The following RYR2 variants were observed in gnomAD, a reference collection of about 807,000 sequenced individuals.
RYR2 encodes cardiac muscle ryanodine receptor-calcium release channel.
In RYR2, 227 loss-of-function variants were observed where a neutral mutation model predicts 601.1. The ratio of observed to expected loss-of-function variants is 0.38; its 90% CI spans 0.34 to 0.42. The LOEUF is 0.42. Among genes scored for constraint, RYR2 ranks in the 10% least tolerant of loss-of-function variants. The pLI is 1.00. For missense variants in RYR2, 4,646 were observed against 6,156.5 expected, an observed-to-expected ratio of 0.75 and a Z score of 8.21; for synonymous variants, 2,223 against 2,175.1, an observed-to-expected ratio of 1.02 and a Z score of -0.61.
chr1:237,543,246 G>A (rs1407863016), intron 25 of RYR2, among the ~76,000 whole-genome samples: 5 of 152,118 alleles, frequency 3.3e-5, no homozygotes, highest in Non-Finnish European at 4.4e-5. Flanking sequence ...GCTGAGGGGT[G>A]TAGGAAGCCC....
At chr1:237,050,063 C>A (rs1267382362) in intron 1 of RYR2, among the ~76,000 whole-genome samples, 2 of 151,958 alleles carry the variant, frequency 1.3e-5, no homozygotes, top group Non-Finnish European at 2.9e-5. Context: ...CAAGGCATTC[C>A]CTGTTAGTGA....
Position 237,643,320 on chromosome 1 carries a change from T to C in RYR2, c.7222-7T>C. Reference sequence around the variant, plus strand: ...GTTGTTCTAATGTTTTTTTTTCCCCTGTATAGTTGATTCATGCCGGGAAGG... The same window carrying C: ...GTTGTTCTAATGTTTTTTTTTCCCCCGTATAGTTGATTCATGCCGGGAAGG... On this transcript the variant is annotated splice_polypyrimidine_tract_variant and splice_region_variant and intron_variant, in intron 47 of 104. Transcript: ENST00000366574. 1.2e-6 allele frequency: 2 copies of C among 1,612,834 alleles called. No homozygotes were observed. Among genetic ancestry groups the C allele is most frequent in the Non-Finnish European group, 1.7e-6 (2 of 1,179,272 alleles).
intron 1 of RYR2, among the ~76,000 whole-genome samples, chr1:237,260,485 G>A (rs1455533086): frequency 2.0e-5 from 3 of 152,166 alleles, no homozygotes; most frequent in African/African-American, 7.2e-5. Flanking sequence ...TATTCCACTG[G>A]GACAGTTATA....
intron 48 of RYR2, among the ~76,000 whole-genome samples, chr1:237,647,427 G>GTTATATT (rs1573324938): frequency 6.6e-6 from 1 of 152,320 alleles, no homozygotes; most frequent in East Asian, 1.9e-4. Flanking sequence ...TGTAAGGAAA[G>GTTATATT]GAATGTATTA....
chr1:237,364,120 A>G (rs1020588084), intron 4 of RYR2, among the ~76,000 whole-genome samples: 2 of 152,152 alleles, frequency 1.3e-5, no homozygotes, highest in African/African-American at 2.4e-5. Flanking sequence ...TTTCACAGAA[A>G]AAGGAAGAAA....
At chr1:237,299,079 C>CAATG (rs1177497819) in intron 2 of RYR2, among the ~76,000 whole-genome samples, 4 of 149,780 alleles carry the variant, frequency 2.7e-5, no homozygotes, top group African/African-American at 9.8e-5. Context: ...TAAATGTGCT[C>CAATG]AATGTTATTT....
chr1:237,724,590 A>C (rs937691204), intron 74 of RYR2, among the ~76,000 whole-genome samples: 2 of 151,968 alleles, frequency 1.3e-5, no homozygotes, highest in Non-Finnish European at 2.9e-5. Context: ...CTTTCCCCTG[A>C]ATAACTTACG....
chr1:237,740,098 C>A (rs1027331952), intron 79 of RYR2, among the ~76,000 whole-genome samples: 3 of 152,200 alleles, frequency 2.0e-5, no homozygotes, highest in Non-Finnish European at 4.4e-5. Context: ...TGCTACAGGA[C>A]TGTCTAATAT....
chr1:237,215,218 T>C (rs1405100099), intron 1 of RYR2, among the ~76,000 whole-genome samples: 2 of 152,184 alleles, frequency 1.3e-5, no homozygotes, highest in African/African-American at 2.4e-5. Flanking sequence ...ATATGTAGCA[T>C]TGGCAGGATC....
intron 1 of RYR2, among the ~76,000 whole-genome samples, chr1:237,231,631 G>C (rs758799878): frequency 6.6e-6 from 1 of 152,190 alleles, no homozygotes; most frequent in African/African-American, 2.4e-5. Flanking sequence ...CTGTAAAACA[G>C]AACAGGATTA....
chr1:237,619,906 G>T (rs1398317454), intron 38 of RYR2, among the ~76,000 whole-genome samples: 1 of 152,120 alleles, frequency 6.6e-6, no homozygotes, highest in Non-Finnish European at 1.5e-5. Context: ...CAAATGACAG[G>T]AAGTTGTAAG....
At chr1:237,143,778 A>G (rs1330860659) in intron 1 of RYR2, among the ~76,000 whole-genome samples, 1 of 152,174 alleles carries the variant, frequency 6.6e-6, no homozygotes, top group Non-Finnish European at 1.5e-5. Flanking sequence ...CTGTCTGACC[A>G]GTGTTGGGGA....
intron 3 of RYR2, among the ~76,000 whole-genome samples, chr1:237,355,647 A>T (rs934348972): frequency 6.6e-6 from 1 of 152,158 alleles, no homozygotes; most frequent in East Asian, 1.9e-4. Context: ...TTAAATCAGA[A>T]GGCCTATTAC....
chr1:237,677,098 C>A (rs1002732299), intron 60 of RYR2, among the ~76,000 whole-genome samples: 7 of 152,020 alleles, frequency 4.6e-5, no homozygotes, highest in African/African-American at 1.7e-4. Flanking sequence ...CATAAGTTTC[C>A]TATAAATTAT....
chr1:237,758,490 A>G (rs935574764), intron 82 of RYR2, among the ~76,000 whole-genome samples: 41 of 152,120 alleles, frequency 2.7e-4, no homozygotes, highest in African/African-American at 9.7e-4. Context: ...GTGCGTATAT[A>G]TGTGTGTCTG....
chr1:237,496,827 G>T, intron 20 of RYR2, 75 bp downstream of exon 20: 1 of 1,514,352 alleles, frequency 6.6e-7, no homozygotes. Context: ...TATTGGTGCT[G>T]CTTCCATTAG....
chr1:237,566,507 C>T (rs1002235802), intron 27 of RYR2, 60 bp from the exon 28 acceptor site: 1 of 1,497,144 alleles, frequency 6.7e-7, no homozygotes, highest in African/African-American at 1.4e-5. Context: ...TTTATGATAT[C>T]TTTCCTTCTC....
Position 237,627,842 on chromosome 1 carries a change from C to A in RYR2, c.6202C>A (p.Arg2068=). 6.2e-7 allele frequency: 1 copy of A among 1,610,904 alleles called. No individual in the cohort carries two copies. The highest frequency in any genetic ancestry group is 8.5e-7 in the Non-Finnish European group (1 of 1,177,838). The change falls in exon 41 of 105, where the codon CGA becomes AGA. Residue 2068 remains arginine (R), a synonymous_variant. Transcript: ENST00000366574. ...GCAGCTGATTTCTGAGACCATGGTC[C>A]GATGGGCTCAGGAGTCTGTCATTGA... The part of the protein sequence containing the change: ...LQQLISETMV[R]WAQESVIEDP...
At chr1:237,592,102 T>C (rs2618714) in intron 32 of RYR2, among the ~76,000 whole-genome samples, 1 of 152,014 alleles carries the variant, frequency 6.6e-6, no homozygotes, top group Admixed American at 6.5e-5. Flanking sequence ...TTGCTCTGTT[T>C]CTTGACAAAA....
Sources: allele counts gnomAD v4.1 joint callset (sites outside exome capture counted in the v4.1 genomes callset), GRCh38; gene constraint gnomAD v4.1.1; transcripts MANE v1.5; gene names NCBI Gene and HGNC (gene_info 2026-07-23, HGNC 2026-07-21).